The following SORBS2 variants were observed in gnomAD, a reference collection of about 807,000 sequenced individuals.
The protein encoded by SORBS2 is sorbin and SH3 domain containing 2.
In SORBS2, 46 loss-of-function variants were observed where a neutral mutation model predicts 97.7. The observed-to-expected ratio is 0.47, with a 90% CI of 0.37 to 0.60. SORBS2 has a LOEUF of 0.60. Ranked by LOEUF, SORBS2 falls within the 20% of genes least tolerant of loss-of-function variation. The probability of loss-of-function intolerance (pLI) is 0.00; values close to 1 mark genes in which losing one functional copy is unlikely to be tolerated. For missense variants in SORBS2, 1,316 were observed against 1,282.3 expected (o/e 1.03, Z -0.40); for synonymous variants, 476 against 473.4 (o/e 1.01, Z -0.07).
intron 1 of SORBS2, among the ~76,000 whole-genome samples, chr4:185,881,439 C>T (rs1400381481): frequency 6.6e-6 from 1 of 152,000 alleles, no homozygotes; most frequent in Non-Finnish European, 1.5e-5. Context: ...TAATTGACAC[C>T]AAAATACTTT....
chr4:185,699,495 C>T (rs1016681939), intron 2 of SORBS2, among the ~76,000 whole-genome samples: 1 of 152,058 alleles, frequency 6.6e-6, no homozygotes, highest in Non-Finnish European at 1.5e-5. Flanking sequence ...CCATGTTGGC[C>T]ACACTGGTCT....
intron 13 of SORBS2, among the ~76,000 whole-genome samples, chr4:185,591,465 T>A (rs939076140): frequency 6.6e-6 from 1 of 152,114 alleles, no homozygotes; most frequent in Non-Finnish European, 1.5e-5. Context: ...GTCACCTGAT[T>A]TGGATGTTTG....
intron 2 of SORBS2, among the ~76,000 whole-genome samples, chr4:185,715,088 T>A (rs10016122): frequency 0.78 from 118,460 of 152,154 alleles, 47,432 homozygotes; most frequent in Non-Finnish European, 0.89. Context: ...ATTTTCTCAT[T>A]AATCTCCATG....
At chr4:185,649,638 T>C (rs1239073515) in exon 3 of SORBS2, 5 of 1,521,134 alleles carry the variant, frequency 3.3e-6, no homozygotes, top group Non-Finnish European at 3.5e-6. Flanking sequence ...CTGAGCACTG[T>C]AGGGTGGGTT....
intron 4 of SORBS2, among the ~76,000 whole-genome samples, chr4:185,673,854 C>T (rs2097756468): frequency 6.6e-6 from 1 of 152,192 alleles, no homozygotes; most frequent in Non-Finnish European, 1.5e-5. Flanking sequence ...GTCTCATCAA[C>T]AGCATTTGTG....
chr4:185,754,907 G>A (rs555589963), intron 2 of SORBS2, among the ~76,000 whole-genome samples: 41 of 152,328 alleles, frequency 2.7e-4, no homozygotes, highest in African/African-American at 9.4e-4. Flanking sequence ...ATTGTCACAC[G>A]ATTCCTTCCA....
chr4:185,751,984 G>C (rs566212604), intron 2 of SORBS2, among the ~76,000 whole-genome samples: 1 of 152,250 alleles, frequency 6.6e-6, no homozygotes, highest in East Asian at 1.9e-4. Flanking sequence ...GTGGGGATGG[G>C]GGTGCTAACT....
intron 1 of SORBS2, among the ~76,000 whole-genome samples, chr4:185,880,653 T>C (rs542973952): frequency 6.6e-6 from 1 of 152,358 alleles, no homozygotes; most frequent in African/African-American, 2.4e-5. Context: ...ACTTTTAAGT[T>C]TCTCCTTGAT....
At chr4:185,631,222 A>G (rs754795783) in intron 4 of SORBS2, among the ~76,000 whole-genome samples, 2 of 152,252 alleles carry the variant, frequency 1.3e-5, no homozygotes, top group African/African-American at 4.8e-5. Flanking sequence ...TTTTACAATT[A>G]GGTGAGTTCA....
At chr4:185,862,192 A>G (rs896426555) in intron 1 of SORBS2, among the ~76,000 whole-genome samples, 11 of 152,234 alleles carry the variant, frequency 7.2e-5, no homozygotes, top group African/African-American at 2.7e-4. Flanking sequence ...TACTAAGAGC[A>G]ACAGCAACAG....
Position 185,813,935 on chromosome 4 carries a change from C to T in SORBS2, c.-337-38569G>A, listed in dbSNP as rs112522072. Among the ~76,000 whole-genome samples the T allele has an allele frequency of 9.5e-3, 1,449 of 152,272 alleles. 20 individuals are homozygous for T. Among genetic ancestry groups the T allele is most frequent in the African/African-American group, 0.031 (1,283 of 41,564 alleles). ...CTCTGGAAGCCAATCTGGTCCATGT[C>T]TTCTTTGCCCTCCATGCTTGGAATA... On this transcript the variant is annotated intron_variant, in intron 1 of 20. Coordinates refer to the SORBS2 transcript ENST00000284776.
rs754336084 is a variant in SORBS2 at position 185,607,556 on chromosome 4, A to G, written c.2796+4224T>C. ...GAAATTTAAATACATAAAATCATTT[A>G]TGTTAATTAGAAAAGTTACTTCACA... is the stretch of plus-strand genomic sequence containing the variant. On this transcript the variant is annotated intron_variant, in intron 12 of 14. Coordinates refer to ENST00000418609, the Ensembl canonical transcript of SORBS2. This position sits in a 1 kb window ranked among gnomAD's most constrained non-coding sequence, Gnocchi z 5.2. Among the ~76,000 whole-genome samples, 9 of 152,226 alleles carry G rather than the reference A, an allele frequency of 5.9e-5. No homozygotes were observed. The highest frequency in any genetic ancestry group is 1.2e-4 in the Non-Finnish European group (8 of 68,032).
chr4:185,752,590 T>C (rs1419383025), intron 2 of SORBS2, among the ~76,000 whole-genome samples: 2 of 152,216 alleles, frequency 1.3e-5, no homozygotes, highest in Non-Finnish European at 2.9e-5. Flanking sequence ...AGCAGACTTT[T>C]AAAAAGATAT....
chr4:185,880,500 A>T (rs2099236294), intron 1 of SORBS2, among the ~76,000 whole-genome samples: 1 of 152,232 alleles, frequency 6.6e-6, no homozygotes, highest in South Asian at 2.1e-4. Context: ...TGGAAAAAAC[A>T]GTGTTTTGTT....
chr4:185,623,231 T>G lies in SORBS2; in HGVS notation c.1898A>C (p.Glu633Ala), dbSNP rs1485188910. 2.5e-6 allele frequency: 4 copies of G among 1,614,020 alleles called. No individual in the cohort carries two copies. In the African/African-American group the frequency reaches 5.3e-5, roughly 22 times the overall value. ...GTCTTTAAGGGCAGAGTCCAGAGCCTCAAACACAGATGCTTTACATTTTGC... is the reference window on the plus strand; with the variant it reads ...GTCTTTAAGGGCAGAGTCCAGAGCCGCAAACACAGATGCTTTACATTTTGC... Residue 633 changes from glutamate to alanine, a missense_variant, in exon 7 of 15, where the codon GAG becomes GCG. Physicochemically the swap from Glu to Ala is moderately radical, Grantham distance 107. Coordinates refer to ENST00000418609, the Ensembl canonical transcript of SORBS2. This position sits in a 1 kb window ranked among gnomAD's most constrained non-coding sequence, Gnocchi z 6.4.
At chr4:185,655,478 T>G (rs1346150562) in intron 1 of SORBS2, among the ~76,000 whole-genome samples, 5 of 152,196 alleles carry the variant, frequency 3.3e-5, no homozygotes, top group Non-Finnish European at 7.3e-5. Flanking sequence ...GGCTGTATAG[T>G]CAGTGTAAGA....
At chr4:185,648,300 G>A (rs114383463) in intron 3 of SORBS2, among the ~76,000 whole-genome samples, 9,071 of 152,016 alleles carry the variant, frequency 0.06, 914 homozygotes, top group African/African-American at 0.21. Context: ...GGTGGATCAC[G>A]AGGTCAGGAG....
chr4:185,685,265 A>C (rs2097933092), intron 2 of SORBS2, among the ~76,000 whole-genome samples: 1 of 152,204 alleles, frequency 6.6e-6, no homozygotes, highest in Non-Finnish European at 1.5e-5. Flanking sequence ...ACATACTTTT[A>C]AGTTAATATC....
chr4:185,744,592 C>T (rs1457346507), intron 2 of SORBS2, among the ~76,000 whole-genome samples: 1 of 152,228 alleles, frequency 6.6e-6, no homozygotes, highest in South Asian at 2.1e-4. Flanking sequence ...ACCATGCAGG[C>T]AGGTGGTGGC....
Sources: gnomAD v4.1 joint callset for allele counts (sites outside exome capture counted in the v4.1 genomes callset) on GRCh38, gnomAD v4.1.1 for gene constraint, Gnocchi (gnomAD v3.1) non-coding constraint, MANE v1.5 for transcripts, NCBI Gene and HGNC (gene_info 2026-07-23, HGNC 2026-07-21) for gene names.